The following ZPBP variants were observed in gnomAD, a reference collection of about 807,000 sequenced individuals.
The protein encoded by ZPBP is zona pellucida-binding protein 1.
A neutral mutation model predicts 44.8 loss-of-function variants in ZPBP; 26 were observed. The observed-to-expected ratio is 0.58, with a 90% CI of 0.43 to 0.81. The LOEUF (loss-of-function observed/expected upper bound fraction) is 0.81, where lower values mean the gene tolerates loss of function less well. Ranked by LOEUF, ZPBP falls within the 30% of genes least tolerant of loss-of-function variation. The pLI is 0.00. For synonymous variants in ZPBP, 174 were observed against 153.2 expected (o/e 1.14, Z -1.00); for missense variants, 409 against 434.0 (o/e 0.94, Z 0.51).
chr7:50,089,699 C>A lies in ZPBP; in HGVS notation c.138G>T (p.Leu46Phe). Reference protein sequence around the residue: ...LVRVPSSVGHLVRLPRAFRLT... With the variant: ...LVRVPSSVGHFVRLPRAFRLT... ...AGCGAAAAGCTCTTGGTAATCGAAC[C>A]AAGTGTCCAACTATCAAAAAAAAAG... The change falls in exon 2 of 8, where the codon TTG (leucine) becomes TTT (phenylalanine). Residue 46 changes from leucine (L) to phenylalanine (F), a missense_variant. By Grantham distance (22) the Leu-to-Phe change is conservative. Transcript: ENST00000046087. 1 of 1,609,836 alleles carries A rather than the reference C, an allele frequency of 6.2e-7. No homozygotes were observed. The highest frequency in any genetic ancestry group is 1.1e-5 in the South Asian group (1 of 90,574).
chr7:49,960,669 C>A (rs1052613725), intron 7 of ZPBP, among the ~76,000 whole-genome samples: 8 of 151,948 alleles, frequency 5.3e-5, no homozygotes, highest in Non-Finnish European at 1.2e-4. Flanking sequence ...ATAAACAAAC[C>A]ACTTAAAAAT....
intron 2 of ZPBP, among the ~76,000 whole-genome samples, chr7:49,864,671 T>C (rs1790805969): frequency 6.6e-6 from 1 of 152,210 alleles, no homozygotes; most frequent in Non-Finnish European, 1.5e-5. Flanking sequence ...AACAGAGGCC[T>C]GCATCTTCTG....
Position 50,081,866 on chromosome 7 carries a change from G to C in ZPBP, c.242C>G (p.Pro81Arg). 1 of 1,611,246 alleles carries C rather than the reference G, an allele frequency of 6.2e-7. No homozygotes were observed. The highest frequency in any genetic ancestry group is 8.5e-7 in the Non-Finnish European group (1 of 1,178,120). Residue 81 changes from proline to arginine, a missense_variant, in exon 3 of 8, where the codon CCA (proline) becomes CGA (arginine). Around this residue, in one of 2 missense-constraint regions of ZPBP, gnomAD observed 367 missense variants for 363.1 expected, o/e 1.01. Coordinates refer to ENST00000046087, the MANE Select transcript of ZPBP (RefSeq NM_007009.3). Reference protein sequence around the residue: ...KAYVMLHQKSPHVLCVTQQLR... With the variant: ...KAYVMLHQKSRHVLCVTQQLR... ...TTGTTGCGTTACACATAACACGTGT[G>C]GACTCTTTTGATGGAGCATGACATA... is the stretch of plus-strand genomic sequence containing the variant.
intron 2 of ZPBP, among the ~76,000 whole-genome samples, chr7:49,857,085 C>T (rs1258931577): frequency 7.3e-6 from 1 of 136,584 alleles, no homozygotes; most frequent in Non-Finnish European, 1.5e-5. Flanking sequence ...TTTAGGTGCA[C>T]AATATCATAT....
At chr7:49,846,363 G>A (rs1789946066), downstream of ZPBP, among the ~76,000 whole-genome samples, 2 of 152,212 alleles carry the variant, frequency 1.3e-5, no homozygotes, top group Admixed American at 1.3e-4. Flanking sequence ...TCTCTTAACA[G>A]CTGTCCACTG....
chr7:49,868,246 T>C (rs983164148), intron 2 of ZPBP, among the ~76,000 whole-genome samples: 1 of 152,222 alleles, frequency 6.6e-6, no homozygotes, highest in South Asian at 2.1e-4. Context: ...TCCTAAGAAC[T>C]TGGAATAATT....
chr7:49,879,103 G>C (rs987548221), intron 2 of ZPBP, among the ~76,000 whole-genome samples: 1 of 152,164 alleles, frequency 6.6e-6, no homozygotes, highest in Non-Finnish European at 1.5e-5. Flanking sequence ...AAAGGTCTCT[G>C]CTTTTTCTTA....
chr7:49,980,076 A>AATTTTATATTATATATAAT (rs1562817402), intron 7 of ZPBP, among the ~76,000 whole-genome samples: 7 of 12,062 alleles, frequency 5.8e-4, no homozygotes, highest in African/African-American at 2.6e-3. Context: ...ATTATAATAT[A>AATTTTATATTATATATAAT]TATAATATAA....
intron 3 of ZPBP, among the ~76,000 whole-genome samples, chr7:50,081,259 T>C (rs1244531656): frequency 6.6e-6 from 1 of 151,710 alleles, no homozygotes. Context: ...GAAAACTTTC[T>C]CTGAGGGTAT....
chr7:49,944,163 G>T, intron 7 of ZPBP: 1 of 286,986 alleles, frequency 3.5e-6, no homozygotes. Flanking sequence ...TGAAGTTTTT[G>T]TAATCATGAC....
At chr7:49,946,673 A>G (rs1464958463) in intron 7 of ZPBP, among the ~76,000 whole-genome samples, 1 of 152,100 alleles carries the variant, frequency 6.6e-6, no homozygotes, top group Non-Finnish European at 1.5e-5. Context: ...GTCTTGAGGT[A>G]GTCTCACCTG....
chr7:50,004,390 A>G (rs1005733113), intron 6 of ZPBP, among the ~76,000 whole-genome samples: 2 of 151,288 alleles, frequency 1.3e-5, no homozygotes, highest in Admixed American at 1.3e-4. Context: ...ACTGAGGGCT[A>G]CATTGTAGGC....
chr7:49,943,072 C>G (rs1794955953), intron 7 of ZPBP: 1 of 339,822 alleles, frequency 2.9e-6, no homozygotes, highest in Admixed American at 3.3e-5. Context: ...AGAAAGGAAT[C>G]CAGCCCTCTC....
intron 2 of ZPBP, among the ~76,000 whole-genome samples, chr7:49,887,054 A>G (rs2128729065): frequency 6.6e-6 from 1 of 152,258 alleles, no homozygotes; most frequent in South Asian, 2.1e-4. Context: ...AACCATCGCA[A>G]TTCCTCTGTG....
chr7:49,927,802 G>A (rs1488241495), intron 1 of ZPBP, among the ~76,000 whole-genome samples: 1 of 152,180 alleles, frequency 6.6e-6, no homozygotes, highest in East Asian at 1.9e-4. Context: ...ACTGCCACAT[G>A]TCATTAAATA....
chr7:50,067,964 G>A (rs186729765), intron 3 of ZPBP, among the ~76,000 whole-genome samples: 1 of 152,284 alleles, frequency 6.6e-6, no homozygotes, highest in East Asian at 1.9e-4. Flanking sequence ...TTCTAACTTA[G>A]AGTTAGAACC....
intron 5 of ZPBP, among the ~76,000 whole-genome samples, chr7:50,019,500 T>C (rs1798984871): frequency 6.6e-6 from 1 of 152,100 alleles, no homozygotes; most frequent in Non-Finnish European, 1.5e-5. Context: ...CTTTTTACTA[T>C]AATATAATCT....
intron 2 of ZPBP, among the ~76,000 whole-genome samples, chr7:49,868,461 T>C (rs1409420416): frequency 6.6e-6 from 1 of 152,184 alleles, no homozygotes; most frequent in Non-Finnish European, 1.5e-5. Flanking sequence ...GGGGAGTATA[T>C]GTACTGTATT....
At chr7:49,847,738 G>T (rs182749717), downstream of ZPBP, among the ~76,000 whole-genome samples, 41 of 152,274 alleles carry the variant, frequency 2.7e-4, no homozygotes, top group South Asian at 8.3e-4. Flanking sequence ...TTGGCTACTT[G>T]GAGTGATTTC....
Sources: gnomAD v4.1 joint callset for allele counts (sites outside exome capture counted in the v4.1 genomes callset) on GRCh38, gnomAD v4.1.1 for gene constraint, gnomAD v4.1.1 regional missense constraint, MANE v1.5 for transcripts, NCBI Gene and HGNC (gene_info 2026-07-23, HGNC 2026-07-21) for gene names.